The following OLFM4 variants were observed in gnomAD, a reference collection of about 807,000 sequenced individuals.
OLFM4 encodes the protein olfactomedin-4.
Under a neutral mutation model 25.5 loss-of-function variants are expected in OLFM4, and 22 were observed. The ratio of observed to expected loss-of-function variants is 0.86; its 90% CI spans 0.62 to 1.23. OLFM4 has a LOEUF of 1.23. Among genes scored for constraint, OLFM4 ranks in the 50% most tolerant of loss-of-function variants. The pLI, the probability that OLFM4 is intolerant of heterozygous loss-of-function variation, is 0.00. For missense variants in OLFM4, 594 were observed against 619.4 expected (o/e 0.96, Z 0.44); for synonymous variants, 255 against 237.7 (o/e 1.07, Z -0.67).
intron 2 of OLFM4, among the ~76,000 whole-genome samples, chr13:53,035,217 C>T (rs575785716): frequency 1.3e-5 from 2 of 151,868 alleles, no homozygotes; most frequent in African/African-American, 2.4e-5. Context: ...CTTCTCTCTC[C>T]CCCTCACTCT....
At chr13:53,034,595 C>A (rs1225155545) in intron 2 of OLFM4, 95 bp downstream of exon 2, 11 of 1,066,710 alleles carry the variant, frequency 1.0e-5, no homozygotes, top group Non-Finnish European at 1.3e-5. Context: ...TCTTCACTAT[C>A]AAAGACATCA....
At chr13:53,037,620 C>G (rs1479878185) in intron 2 of OLFM4, among the ~76,000 whole-genome samples, 1 of 152,106 alleles carries the variant, frequency 6.6e-6, no homozygotes, top group Non-Finnish European at 1.5e-5. Context: ...CCCCAGTTTA[C>G]AGGAAACTAA....
At chr13:53,048,570 A>G (rs921599318) in intron 4 of OLFM4, among the ~76,000 whole-genome samples, 6 of 152,134 alleles carry the variant, frequency 3.9e-5, no homozygotes, top group Non-Finnish European at 7.4e-5. Flanking sequence ...TTAGCAAGGA[A>G]AGGAATGGGT....
Position 53,041,968 on chromosome 13 carries a change from T to C in OLFM4, c.416T>C (p.Val139Ala), listed in dbSNP as rs201391258. 1 of 1,613,962 alleles carries C rather than the reference T, an allele frequency of 6.2e-7. No individual in the cohort carries two copies. The highest frequency in any genetic ancestry group is 8.5e-7 in the Non-Finnish European group (1 of 1,179,880). Residue 139 changes from valine to alanine, a missense_variant, in exon 3 of 5, where the codon GTC becomes GCC. Val to Ala is a moderately conservative substitution (Grantham distance 64). Transcript: ENST00000219022. ...GAAAAGAAACTGTTAAACCTAACTG[T>C]CCGAATTGACATCATGGAGAAGGAT... ...VYEKKLLNLT[V>A]RIDIMEKDTI...
intron 4 of OLFM4, 55 bp downstream of exon 4, chr13:53,043,319 G>A (rs1954697869): frequency 2.8e-6 from 4 of 1,408,458 alleles, no homozygotes; most frequent in South Asian, 1.6e-5. Flanking sequence ...GGAGCTGTGA[G>A]TGGGGTGGGG....
At chr13:53,032,172 T>C (rs1005138067) in intron 1 of OLFM4, among the ~76,000 whole-genome samples, 1 of 152,222 alleles carries the variant, frequency 6.6e-6, no homozygotes, top group Non-Finnish European at 1.5e-5. Context: ...GTCTTTCAAG[T>C]GAACTTCAGG....
intron 1 of OLFM4, among the ~76,000 whole-genome samples, chr13:53,029,657 A>G (rs1948693138): frequency 1.3e-5 from 2 of 152,198 alleles, no homozygotes; most frequent in Non-Finnish European, 2.9e-5. Flanking sequence ...GCAAAGTGTT[A>G]TTACCAGTGG....
chr13:53,039,077 C>CTT (rs141189163), intron 2 of OLFM4, among the ~76,000 whole-genome samples: 2 of 151,872 alleles, frequency 1.3e-5, no homozygotes, highest in South Asian at 2.1e-4. Context: ...ATATGCCTTG[C>CTT]TTTTTTTTGT....
chr13:53,029,837 TC>T (rs1287308349), intron 1 of OLFM4, among the ~76,000 whole-genome samples: 1 of 152,198 alleles, frequency 6.6e-6, no homozygotes, highest in African/African-American at 2.4e-5. Flanking sequence ...GTAAGCCAGT[TC>T]CGTGGGGGAT....
chr13:53,035,642 A>G (rs1171466908), intron 2 of OLFM4, among the ~76,000 whole-genome samples: 3 of 152,120 alleles, frequency 2.0e-5, no homozygotes, highest in African/African-American at 4.8e-5. Context: ...GTTATCTTCT[A>G]TTGTCTCAGC....
intron 4 of OLFM4, 105 bp downstream of exon 4, chr13:53,043,369 TTG>T (rs370254918): frequency 0.015 from 8,904 of 605,498 alleles, 112 homozygotes; most frequent in East Asian, 0.02. Flanking sequence ...AGAAGGTGGG[TTG>T]TTTTTTTTTT....
intron 2 of OLFM4, among the ~76,000 whole-genome samples, chr13:53,034,752 A>G (rs568225969): frequency 6.6e-6 from 1 of 152,300 alleles, no homozygotes; most frequent in South Asian, 2.1e-4. Context: ...TGTGGTACTT[A>G]GGCAGTTGGA....
At chr13:53,029,673 C>T (rs17552089) in intron 1 of OLFM4, among the ~76,000 whole-genome samples, 49,413 of 152,066 alleles carry the variant, frequency 0.32, 9,209 homozygotes, top group Non-Finnish European at 0.41. Context: ...AGTGGACATT[C>T]GCCTAGGGGA....
At chr13:53,049,008 T>C (rs928486955) in intron 4 of OLFM4, among the ~76,000 whole-genome samples, 2 of 152,248 alleles carry the variant, frequency 1.3e-5, no homozygotes, top group Non-Finnish European at 2.9e-5. Context: ...GGGAGTACAA[T>C]GTGAAGGGTT....
intron 2 of OLFM4, among the ~76,000 whole-genome samples, chr13:53,038,264 C>T (rs1954669840): frequency 6.6e-6 from 1 of 152,162 alleles, no homozygotes; most frequent in Admixed American, 6.5e-5. Flanking sequence ...ACCACCACTA[C>T]CGCCCTCCCT....
At position 53,050,907 on chromosome 13, in the gene OLFM4, A is replaced by G. The variant is rs1477594154; in HGVS notation, c.*136A>G. 5.7e-6 allele frequency: 4 copies of G among 702,466 alleles called. No individual in the cohort carries two copies. The highest frequency in any genetic ancestry group is 9.2e-6 in the Non-Finnish European group (4 of 434,634). 43.5% of individuals were successfully genotyped at this position (702,466 alleles called of 1,614,324 possible). A position where few individuals can be genotyped will look rare whatever the true frequency, so the allele number is the denominator to read the frequency against. ...TTTAGGTGCATAGTTCTACCACACT[A>G]GAGATCTAGGACATTTGTCTTGATT... On this transcript the variant is annotated 3_prime_UTR_variant, in exon 5 of 5. Transcript: ENST00000219022.
chr13:53,028,979 C>G lies in OLFM4; in HGVS notation c.143C>G (p.Ser48Cys). ...PGVDSSSSFS[S>C]SSRSGSSSSR... ...GTTGACTCCAGCTCCAGCTTCAGCTCCAGCTCCAGGTCGGGCTCCAGCTCC... is the reference window on the plus strand; with the variant it reads ...GTTGACTCCAGCTCCAGCTTCAGCTGCAGCTCCAGGTCGGGCTCCAGCTCC... The change falls in exon 1 of 5, where the codon TCC becomes TGC. Residue 48 changes from serine (S) to cysteine (C), a missense_variant. Ser to Cys is a moderately radical substitution (Grantham distance 112). Transcript: ENST00000219022. 1 of 1,614,072 alleles carries G rather than the reference C, an allele frequency of 6.2e-7. No homozygotes were observed. Among genetic ancestry groups the G allele is most frequent in the Non-Finnish European group, 8.5e-7 (1 of 1,179,942 alleles).
chr13:53,031,340 T>C (rs1954627943), intron 1 of OLFM4, among the ~76,000 whole-genome samples: 1 of 152,210 alleles, frequency 6.6e-6, no homozygotes, highest in Non-Finnish European at 1.5e-5. Flanking sequence ...AAACATATCA[T>C]TTTCTGTACT....
rs1426081089 is a variant in OLFM4, at chr13:53,034,374, G to A, written c.231G>A (p.Val77=). The A allele has an allele frequency of 5.0e-6, 8 of 1,613,316 alleles. No individual in the cohort carries two copies. The highest frequency in any genetic ancestry group is 6.8e-6 in the Non-Finnish European group (8 of 1,179,852). The change falls in exon 2 of 5, where the codon GTG becomes GTA. Residue 77 remains valine (V), a synonymous_variant. Transcript: ENST00000219022. The part of the protein sequence containing the change: ...SQLFSNFTGS[V]DDRGTCQCSV... ...TGTTTTCCAATTTCACCGGCTCCGT[G>A]GATGACCGTGGGACCTGCCAGTGCT...
Sources: allele counts gnomAD v4.1 joint callset (sites outside exome capture counted in the v4.1 genomes callset), GRCh38; gene constraint gnomAD v4.1.1; transcripts MANE v1.5; gene names NCBI Gene and HGNC (gene_info 2026-07-23, HGNC 2026-07-21).